Variants in AHNAK2 observed in about 807,000 individuals in gnomAD.
The protein encoded by AHNAK2 is AHNAK nucleoprotein 2.
Under a neutral mutation model 30.7 loss-of-function variants are expected in AHNAK2, and 18 were observed. The ratio of observed to expected loss-of-function variants is 0.59; its 90% CI spans 0.41 to 0.87. AHNAK2 has a LOEUF of 0.87. Ranked by LOEUF, AHNAK2 falls within the 40% of genes least tolerant of loss-of-function variation. AHNAK2 has a pLI of 0.00. For synonymous variants in AHNAK2, 3,590 were observed against 3,073.8 expected (o/e 1.17, Z -5.56); for missense variants, 8,604 against 7,373.0 (o/e 1.17, Z -6.11).
chr14:104,964,328 G>A (rs922185525), intron 1 of AHNAK2, among the ~76,000 whole-genome samples: 2 of 152,144 alleles, frequency 1.3e-5, no homozygotes, highest in African/African-American at 2.4e-5. Context: ...TGGAAAAGTC[G>A]AGGCAGACCA....
In AHNAK2 at chr14:104,949,918, A is replaced by G. The variant is rs544344402; in HGVS notation, c.5533T>C (p.Ser1845Pro). 21 of 1,588,570 alleles carry G rather than the reference A, an allele frequency of 1.3e-5. No individual in the cohort carries two copies. The South Asian group carries it at 2.3e-4, about 18-fold the overall frequency. ...VSAPGKSIEA[S>P]VDVSAPKVEA... is the part of the protein sequence containing the mutation. ...ACCTTCGGCGCAGACACATCCACCG[A>G]GGCCTCGATGGACTTGCCTGGGGCA... Residue 1845 changes from serine to proline, a missense_variant, in exon 7 of 7, where the codon TCG becomes CCG. Coordinates refer to ENST00000333244, the MANE Select transcript of AHNAK2 (RefSeq NM_138420.4).
Position 104,953,743 on chromosome 14 carries a change from C to G in AHNAK2, c.1708G>C (p.Asp570His), listed in dbSNP as rs562076746. 5.0e-6 allele frequency: 8 copies of G among 1,613,942 alleles called. No homozygotes were observed. The Admixed American group carries it at 1.3e-4, about 27-fold the overall frequency. ...LQRTRITEEQ[D>H]KGREDTEGQI... Reference sequence around the variant, plus strand: ...CCTTCTGTGTCTTCCCTGCCCTTGTCCTGTTCCTCAGTGATCCTTGTCCTC... The same window carrying G: ...CCTTCTGTGTCTTCCCTGCCCTTGTGCTGTTCCTCAGTGATCCTTGTCCTC... Residue 570 changes from aspartate to histidine, a missense_variant, in exon 7 of 7, where the codon GAC becomes CAC. Transcript: ENST00000333244.
rs190953354 is a variant in AHNAK2 at position 104,946,980 on chromosome 14, C to A, written c.8471G>T (p.Gly2824Val). The change falls in exon 7 of 7, where the codon GGG (glycine) becomes GTG (valine). Residue 2824 changes from glycine (G) to valine (V), a missense_variant. Physicochemically the swap from Gly to Val is moderately radical, Grantham distance 109. Coordinates refer to ENST00000333244, the MANE Select transcript of AHNAK2 (RefSeq NM_138420.4). ...GATGGACTTGCCTGGGGCCGACACC[C>A]CGAATGACGGCATCTTGAACTTGGG... is the stretch of plus-strand genomic sequence containing the variant. ...KMPKFKMPSF[G>V]VSAPGKSIEA... 80 of 1,612,814 alleles carry A rather than the reference C, an allele frequency of 5.0e-5. 2 individuals are homozygous for A. The highest frequency in any genetic ancestry group is 4.5e-4 in the South Asian group (41 of 91,014).
At position 104,952,400 on chromosome 14, in the gene AHNAK2, G is replaced by C. The variant is rs760751525; in HGVS notation, c.3051C>G (p.Ile1017Met). 3.7e-6 allele frequency: 6 copies of C among 1,612,084 alleles called. No homozygotes were observed. The highest frequency in any genetic ancestry group is 3.3e-5 in the Admixed American group (2 of 59,870). Reference protein sequence around the residue: ...SFGVSAPGKSIKALVDVSAPK... With the variant: ...SFGVSAPGKSMKALVDVSAPK... ...GTGCAGACACATCCACCAAGGCCTTGATGGACTTCCCTGGGGCCGATACCC... is the reference window on the plus strand; with the variant it reads ...GTGCAGACACATCCACCAAGGCCTTCATGGACTTCCCTGGGGCCGATACCC... The change falls in exon 7 of 7, where the codon ATC becomes ATG. Residue 1017 changes from isoleucine to methionine, a missense_variant. By Grantham distance (10) the Ile-to-Met change is conservative (BLOSUM62 1). Transcript: ENST00000333244.
Position 104,965,465 on chromosome 14 carries a change from G to A in AHNAK2, c.56-7793C>T, listed in dbSNP as rs145415832. On this transcript the variant is annotated intron_variant, in intron 1 of 6. Transcript: ENST00000333244. ...AAAATCAAATCCCTTATTTAAAACC[G>A]TCCCACAAAAAGGACTCCAGTCTCA... 4.7e-3 allele frequency among the ~76,000 whole-genome samples: 701 copies of A among 148,720 alleles called. 4 individuals are homozygous for A. The highest frequency in any genetic ancestry group is 0.016 in the African/African-American group (659 of 40,380).
chr14:104,947,679 G>A lies in AHNAK2; in HGVS notation c.7772C>T (p.Pro2591Leu). 4 of 1,612,930 alleles carry A rather than the reference G, an allele frequency of 2.5e-6. No homozygotes were observed. Among genetic ancestry groups the A allele is most frequent in the Non-Finnish European group, 3.4e-6 (4 of 1,179,584 alleles). The change falls in exon 7 of 7, where the codon CCC becomes CTC. Residue 2591 changes from proline to leucine, a missense_variant. Pro to Leu is a moderately conservative substitution (Grantham distance 98). Transcript: ENST00000333244. ...CTTGGGGCCTTTCAGGTCCAGCTTG[G>A]GGCCCTTGACATCTAGCTGGGGGCC... The part of the protein sequence containing the change: ...LKGPQLDVKG[P>L]KLDLKGPKAE...
chr14:104,938,027 T>G lies in AHNAK2; in HGVS notation c.*36A>C, dbSNP rs1211197359. 6.3e-7 allele frequency: 1 copy of G among 1,580,864 alleles called. No homozygotes were observed. Among genetic ancestry groups the G allele is most frequent in the African/African-American group, 1.4e-5 (1 of 73,658 alleles). ...TGTAGCCTTTACTTTCCAACTTAGTTTTTTGCATCTCTCTTGTACTGATGA... is the reference window on the plus strand; with the variant it reads ...TGTAGCCTTTACTTTCCAACTTAGTGTTTTGCATCTCTCTTGTACTGATGA... On this transcript the variant is annotated 3_prime_UTR_variant, in exon 7 of 7. Coordinates refer to ENST00000333244, the MANE Select transcript of AHNAK2 (RefSeq NM_138420.4).
chr14:104,946,826 G>T lies in AHNAK2; in HGVS notation c.8625C>A (p.Gly2875=). Residue 2875 remains glycine (G), a synonymous_variant, in exon 7 of 7, where the codon GGC becomes GGA. Coordinates refer to ENST00000333244, the MANE Select transcript of AHNAK2 (RefSeq NM_138420.4). ...PPSAQLEVQA[G]QVDVKLPEGH... is the part of the protein sequence containing the mutation. The stretch of plus-strand genomic sequence containing the variant: ...CCTCTGGGAGTTTCACGTCCACCTG[G>T]CCAGCCTGGACCTCCAGTTGGGCGG... 6.2e-7 allele frequency: 1 copy of T among 1,612,734 alleles called. No homozygotes were observed. The highest frequency in any genetic ancestry group is 1.1e-5 in the South Asian group (1 of 91,034).
Position 104,978,086 on chromosome 14 carries a change from G to A in AHNAK2, c.55+97C>T, listed in dbSNP as rs895875401. ...GCGTCTCCGAGTCCCCCGCCCCCAA[G>A]GCCCGCACTGCGCGCCCCTGGACAC... On this transcript the variant is annotated intron_variant, in intron 1 of 6. Transcript: ENST00000333244. The A allele has an allele frequency of 3.9e-6, 4 of 1,025,448 alleles. No individual in the cohort carries two copies. In the African/African-American group the frequency reaches 6.7e-5, roughly 17 times the overall value. The allele number at this position is 1,025,448 out of a possible 1,614,324, so 63.5% of individuals were successfully genotyped here. A position where few individuals can be genotyped will look rare whatever the true frequency, so the allele number is the denominator to read the frequency against.
At chr14:104,967,927 G>C (rs1899351636) in intron 1 of AHNAK2, among the ~76,000 whole-genome samples, 1 of 152,238 alleles carries the variant, frequency 6.6e-6, no homozygotes, top group Non-Finnish European at 1.5e-5. Flanking sequence ...CGGCCGCAGA[G>C]CGCAGGGGAG....
chr14:104,961,714 C>A (rs977005976), intron 1 of AHNAK2, among the ~76,000 whole-genome samples: 4 of 151,312 alleles, frequency 2.6e-5, no homozygotes, highest in Non-Finnish European at 3.0e-5. Context: ...TGGCTTGTGC[C>A]GTAATCCCAG....
Position 104,939,243 on chromosome 14 carries a change from T to A in AHNAK2, c.16208A>T (p.Asp5403Val). 1 of 1,613,886 alleles carries A rather than the reference T, an allele frequency of 6.2e-7. No individual in the cohort carries two copies. Among genetic ancestry groups the A allele is most frequent in the South Asian group, 1.1e-5 (1 of 91,086 alleles). ...CCTCACAGTGGGGATGAACACATCA[T>A]CCTCTGAGCTGGGGGCAGGGAAGGA... ...RFSFPAPSSE[D>V]DVFIPTVREV... The change falls in exon 7 of 7, where the codon GAT becomes GTT. Residue 5403 changes from aspartate to valine, a missense_variant. Asp to Val is a radical substitution (Grantham distance 152, BLOSUM62 -3). Transcript: ENST00000333244.
chr14:104,951,886 A>G lies in AHNAK2; in HGVS notation c.3565T>C (p.Ser1189Pro), dbSNP rs144426530. ...ACGTCGGCCTCCACTTTGGGTGCAGACACATCCACCGAGGCCTCGATGGAC... is the reference window on the plus strand; with the variant it reads ...ACGTCGGCCTCCACTTTGGGTGCAGGCACATCCACCGAGGCCTCGATGGAC... Reference protein sequence around the residue: ...GKSIEASVDVSAPKVEADVSL... With the variant: ...GKSIEASVDVPAPKVEADVSL... Residue 1189 changes from serine to proline, a missense_variant, in exon 7 of 7, where the codon TCT becomes CCT. Physicochemically the swap from Ser to Pro is moderately conservative, Grantham distance 74. Transcript: ENST00000333244. 5.1e-3 allele frequency: 8,153 copies of G among 1,608,746 alleles called. 74 individuals carry two copies. In the African/African-American group the frequency reaches 0.089, roughly 18 times the overall value.
chr14:104,940,723 G>T lies in AHNAK2; in HGVS notation c.14728C>A (p.Gln4910Lys). 1 of 1,612,916 alleles carries T rather than the reference G, an allele frequency of 6.2e-7. No homozygotes were observed. The highest frequency in any genetic ancestry group is 8.5e-7 in the Non-Finnish European group (1 of 1,179,768). The change falls in exon 7 of 7, where the codon CAG (glutamine) becomes AAG (lysine). Residue 4910 changes from glutamine (Q) to lysine (K), a missense_variant. Physicochemically the swap from Gln to Lys is moderately conservative, Grantham distance 53 (BLOSUM62 1). Transcript: ENST00000333244. This position sits in a 1 kb window ranked among gnomAD's most constrained non-coding sequence, Gnocchi z 4.4. Reference sequence around the variant, plus strand: ...ACACAGGTGCCTGGGGATGGCAGCTGGGTGCTTGGCAAGGGGCACTGCACT... The same window carrying T: ...ACACAGGTGCCTGGGGATGGCAGCTTGGTGCTTGGCAAGGGGCACTGCACT... ...ERVQCPLPST[Q>K]LPSPGTCVSQ...
chr14:104,978,007 G>A (rs1899639043), intron 1 of AHNAK2, among the ~76,000 whole-genome samples, 176 bp downstream of exon 1: 1 of 152,168 alleles, frequency 6.6e-6, no homozygotes, highest in Non-Finnish European at 1.5e-5. Flanking sequence ...GCGAGGCATG[G>A]GAGAAGAGAC....
At position 104,943,097 on chromosome 14, in the gene AHNAK2, G is replaced by T; in HGVS notation, c.12354C>A (p.Asp4118Glu). Residue 4118 changes from aspartate (D) to glutamate (E), a missense_variant, in exon 7 of 7, where the codon GAC becomes GAA. Physicochemically the swap from Asp to Glu is conservative, Grantham distance 45. Transcript: ENST00000333244. ...AKLDGVQLEG[D>E]LSLADKDVTA... ...TCACATCCTTGTCGGCCAGGGACAG[G>T]TCCCCCTCCAGCTGCACACCATCCA... 1.9e-6 allele frequency: 3 copies of T among 1,612,998 alleles called. No individual in the cohort carries two copies. The highest frequency in any genetic ancestry group is 2.5e-6 in the Non-Finnish European group (3 of 1,179,536).
In AHNAK2 at chr14:104,974,300, C is replaced by T. The variant is rs1899545948; in HGVS notation, c.55+3883G>A. Among the ~76,000 whole-genome samples the T allele has an allele frequency of 2.0e-5, 3 of 152,238 alleles. No homozygotes were observed. The South Asian group carries it at 6.2e-4, about 31-fold the overall frequency. On this transcript the variant is annotated intron_variant, in intron 1 of 6. Coordinates refer to ENST00000333244, the MANE Select transcript of AHNAK2 (RefSeq NM_138420.4). ...CTTAGCTAACCTGGCCTCCACATCC[C>T]CCACGGAGCAGCTTCCTTCCCACCA...
At position 104,942,166 on chromosome 14, in the gene AHNAK2, T is replaced by A. The variant is rs541517645; in HGVS notation, c.13285A>T (p.Met4429Leu). 2 of 1,612,076 alleles carry A rather than the reference T, an allele frequency of 1.2e-6. No individual in the cohort carries two copies. The highest frequency in any genetic ancestry group is 1.3e-5 in the African/African-American group (1 of 74,366). ...CCTGGGGCTTGGATGTCCACCTCCA[T>A]GCTGGGCAGAGACACGTCCAGGTTG... ...SPNLDVSLPS[M>L]EVDIQAPGAK... The change falls in exon 7 of 7, where the codon ATG (methionine) becomes TTG (leucine). Residue 4429 changes from methionine (M) to leucine (L), a missense_variant. By Grantham distance (15) the Met-to-Leu change is conservative (BLOSUM62 2). Transcript: ENST00000333244.
rs377361428 is a variant in AHNAK2 at position 104,949,388 on chromosome 14, G to A, written c.6063C>T (p.Asp2021=). The A allele has an allele frequency of 9.6e-4, 1,515 of 1,579,488 alleles. 123 individuals are homozygous for A. In the South Asian group the frequency reaches 0.013, roughly 13 times the overall value. The change falls in exon 7 of 7, where the codon GAC becomes GAT. Residue 2021 remains aspartate, a synonymous_variant. Coordinates refer to ENST00000333244, the MANE Select transcript of AHNAK2 (RefSeq NM_138420.4). ...VDVPAPKVEA[D]VSLPSMQGDL... is the part of the protein sequence containing the mutation. ...CCCCCTGCATGGAGGGGAGACTCAC[G>A]TCGGCCTCCACCTTGGGTGCAGGCA...
Sources: gnomAD v4.1 joint callset for allele counts (sites outside exome capture counted in the v4.1 genomes callset) on GRCh38, gnomAD v4.1.1 for gene constraint, Gnocchi (gnomAD v3.1) non-coding constraint, MANE v1.5 for transcripts, NCBI Gene and HGNC (gene_info 2026-07-23, HGNC 2026-07-21) for gene names.